FRMD3: variants seen among roughly 807,000 people sequenced by gnomAD.
FRMD3 encodes the protein FERM domain-containing protein 3.
In FRMD3, 33 loss-of-function variants were observed where a neutral mutation model predicts 70.2. The observed-to-expected ratio is 0.47, with a 90% CI of 0.36 to 0.63. FRMD3 has a LOEUF of 0.63. FRMD3 is among the 20% of genes least tolerant of loss of function. The pLI is 0.00. For synonymous variants in FRMD3, 279 were observed against 255.9 expected, an observed-to-expected ratio of 1.09 and a Z score of -0.86; for missense variants, 632 against 711.4, an observed-to-expected ratio of 0.89 and a Z score of 1.27.
intron 1 of FRMD3, among the ~76,000 whole-genome samples, chr9:83,479,624 A>G (rs576184317): frequency 1.8e-4 from 11 of 61,460 alleles, no homozygotes; most frequent in African/African-American, 7.7e-4. Context: ...GACCCTGAAG[A>G]AAGGAAGGAA....
chr9:83,329,709 A>G (rs1267877136), intron 6 of FRMD3, among the ~76,000 whole-genome samples: 7 of 152,208 alleles, frequency 4.6e-5, no homozygotes, highest in Non-Finnish European at 1.5e-5. Context: ...TAGTGTGGCT[A>G]GTTGGATGAT....
chr9:83,367,234 T>C lies in FRMD3; in HGVS notation c.295+5679A>G, dbSNP rs76303951. Among the ~76,000 whole-genome samples the C allele has an allele frequency of 6.6e-5, 10 of 152,330 alleles. No individual in the cohort carries two copies. The East Asian group carries it at 9.6e-4, about 15-fold the overall frequency. ...ACATCTCAGTCCACATTTGTACCTA[T>C]GGACATGGCAATGGCATAGGGAAAT... is the stretch of plus-strand genomic sequence containing the variant. On this transcript the variant is annotated intron_variant, in intron 3 of 13. Coordinates refer to ENST00000304195, the MANE Select transcript of FRMD3 (RefSeq NM_174938.6).
intron 13 of FRMD3, among the ~76,000 whole-genome samples, chr9:83,284,061 A>ATTTTTTTTTTTTTTTTT (rs71365307): frequency 3.0e-5 from 3 of 101,678 alleles, no homozygotes; most frequent in East Asian, 2.6e-4. Context: ...CTAGGATGTT[A>ATTTTTTTTTTTTTTTTT]TTTTTTTTTT....
intron 13 of FRMD3, among the ~76,000 whole-genome samples, chr9:83,284,853 T>C (rs373127239): frequency 1.1e-3 from 174 of 152,214 alleles, no homozygotes; most frequent in African/African-American, 4.1e-3. Flanking sequence ...GAGGGTAAGA[T>C]AAGGAACTCA....
At position 83,479,706 on chromosome 9, in the gene FRMD3, A is replaced by AAGAAAGAAAGAAAG. The variant is rs1554710651; in HGVS notation, c.147+58365_147+58378dup. 9.4e-3 allele frequency among the ~76,000 whole-genome samples: 761 copies of AAGAAAGAAAGAAAG among 81,336 alleles called. 18 individuals carry two copies. Among genetic ancestry groups the AAGAAAGAAAGAAAG allele is most frequent in the South Asian group, 0.021 (49 of 2,380 alleles). The allele number at this position is 81,336 out of a possible 152,430, so 53.4% of individuals were successfully genotyped here. On this transcript the variant is annotated intron_variant, in intron 1 of 13. Coordinates refer to ENST00000304195, the MANE Select transcript of FRMD3 (RefSeq NM_174938.6). ...AAAGAAAGAAAGAAAGAAAGAAAGAAAGAAAGAAAGAAAGAAAAGAAAGGG... is the reference window on the plus strand; with the variant it reads ...AAAGAAAGAAAGAAAGAAAGAAAGAAAGAAAGAAAGAAAGAGAAAGAAAGAAAGAAAAGAAAGGG...
rs1835384411 is a variant in FRMD3 at position 83,312,109 on chromosome 9, A to G, written c.685-134T>C. 2.1e-5 allele frequency: 14 copies of G among 676,758 alleles called. No individual in the cohort carries two copies. The South Asian group carries it at 2.7e-4, about 13-fold the overall frequency. 41.9% of individuals were successfully genotyped at this position (676,758 alleles called of 1,614,324 possible). ...ATCCCAATGATTGTAGCAATAAACT[A>G]AGTTTCTGAGATGGAACTTCTAAGA... On this transcript the variant is annotated intron_variant, in intron 7 of 13. Coordinates refer to ENST00000304195, the MANE Select transcript of FRMD3 (RefSeq NM_174938.6).
chr9:83,346,255 CAAAAA>C (rs56163115), intron 4 of FRMD3, among the ~76,000 whole-genome samples: 22 of 62,140 alleles, frequency 3.5e-4, no homozygotes, highest in African/African-American at 1.1e-3. Flanking sequence ...GACGCCATCT[CAAAAA>C]AAAAAAAAAA....
chr9:83,265,250 A>T (rs1242305873), intron 13 of FRMD3, among the ~76,000 whole-genome samples: 1 of 152,034 alleles, frequency 6.6e-6, no homozygotes, highest in Non-Finnish European at 1.5e-5. Flanking sequence ...AATACAAAAA[A>T]TTAGCCGGGC....
intron 1 of FRMD3, among the ~76,000 whole-genome samples, chr9:83,508,835 C>T (rs1490954659): frequency 5.3e-5 from 8 of 152,186 alleles, no homozygotes; most frequent in Non-Finnish European, 1.2e-4. Flanking sequence ...TCTACAGCTG[C>T]TTTTGCACCA....
intron 1 of FRMD3, among the ~76,000 whole-genome samples, chr9:83,479,688 G>GAA: frequency 1.2e-4 from 9 of 75,140 alleles, no homozygotes; most frequent in South Asian, 4.9e-4. Context: ...AAGAAAGAAA[G>GAA]AAAGAAAGAA....
chr9:83,522,396 G>A (rs576098237), intron 1 of FRMD3, among the ~76,000 whole-genome samples: 2 of 152,072 alleles, frequency 1.3e-5, no homozygotes, highest in African/African-American at 4.8e-5. Flanking sequence ...CAGCGGCTGG[G>A]GGGGCAGGGA....
At chr9:83,573,220 A>T in the FRMD3 span, among the ~76,000 whole-genome samples, 1 of 151,294 alleles carries the variant, frequency 6.6e-6, no homozygotes, top group Admixed American at 6.6e-5. Flanking sequence ...AGCACCAAAA[A>T]AAAGGAAGAA....
chr9:83,558,155 G>A, the FRMD3 span, among the ~76,000 whole-genome samples: 1 of 152,198 alleles, frequency 6.6e-6, no homozygotes, highest in African/African-American at 2.4e-5. Context: ...TTTGTTGAAG[G>A]ATAGTCTTAG....
rs142922049 is a variant in FRMD3 at position 83,363,796 on chromosome 9, C to T, written c.295+9117G>A. Among the ~76,000 whole-genome samples, 714 of 152,146 alleles carry T rather than the reference C, an allele frequency of 4.7e-3. 7 individuals are homozygous for T. Among genetic ancestry groups the T allele is most frequent in the African/African-American group, 0.016 (659 of 41,518 alleles). ...GTCTCGATCTCCTGACCTCGTGATC[C>T]GCCCACCTTGGCCTCCCAAAGTACT... On this transcript the variant is annotated intron_variant, in intron 3 of 13. Transcript: ENST00000304195.
chr9:83,376,301 AT>A (rs941685716), intron 2 of FRMD3, among the ~76,000 whole-genome samples: 4 of 152,178 alleles, frequency 2.6e-5, no homozygotes, highest in Non-Finnish European at 5.9e-5. Flanking sequence ...ATTACAAAAT[AT>A]TAGAAATAAC....
chr9:83,383,857 C>T (rs1030152648), intron 2 of FRMD3, among the ~76,000 whole-genome samples: 2 of 152,210 alleles, frequency 1.3e-5, no homozygotes, highest in African/African-American at 4.8e-5. Flanking sequence ...TAGATGGCAA[C>T]ATTTTATCAA....
chr9:83,529,000 C>T (rs753324806), intron 1 of FRMD3, among the ~76,000 whole-genome samples: 31 of 152,256 alleles, frequency 2.0e-4, no homozygotes, highest in South Asian at 4.1e-4. Context: ...TTAAAAATAG[C>T]TATATTGTAC....
chr9:83,518,747 C>T (rs1829506760), intron 1 of FRMD3, among the ~76,000 whole-genome samples: 2 of 152,052 alleles, frequency 1.3e-5, no homozygotes, highest in African/African-American at 4.8e-5. Flanking sequence ...AACTATACTA[C>T]CAGCCTACAG....
Position 83,343,248 on chromosome 9 carries a change from A to G in FRMD3, c.414T>C (p.His138=), listed in dbSNP as rs760857617. Residue 138 remains histidine, a synonymous_variant, in exon 5 of 14, where the codon CAT becomes CAC. Coordinates refer to ENST00000304195, the MANE Select transcript of FRMD3 (RefSeq NM_174938.6). ...CAGAAAAGGAGCACAGCAGGCGGCC[A>G]TGAAAAATGTCCCTTTTAATCTGAA... ...LYLQIKRDIF[H]GRLLCSFSDA... The G allele has an allele frequency of 1.9e-6, 3 of 1,614,052 alleles. No homozygotes were observed. The South Asian group carries it at 3.3e-5, about 18-fold the overall frequency.
Sources: gnomAD v4.1 joint callset for allele counts (sites outside exome capture counted in the v4.1 genomes callset) on GRCh38, gnomAD v4.1.1 for gene constraint, MANE v1.5 for transcripts, NCBI Gene and HGNC (gene_info 2026-07-23, HGNC 2026-07-21) for gene names.